Variants in AK3 observed in about 807,000 individuals in gnomAD.
AK3 encodes the protein GTP:AMP phosphotransferase AK3, mitochondrial.
A neutral mutation model predicts 23.7 loss-of-function variants in AK3; 27 were observed. The observed-to-expected ratio is 1.14, with a 90% CI of 0.84 to 1.57. The LOEUF is 1.57. Ranked by LOEUF, AK3 falls within the 40% of genes most tolerant of loss-of-function variation. AK3 has a pLI of 0.00. For missense variants in AK3, 406 were observed against 285.6 expected (o/e 1.42, Z -3.04); for synonymous variants, 159 against 116.0 (o/e 1.37, Z -2.38).
chr9:4,735,274 A>ATATATAAAT (rs1563798235), intron 1 of AK3, among the ~76,000 whole-genome samples: 5 of 9,632 alleles, frequency 5.2e-4, no homozygotes, highest in African/African-American at 1.7e-3. Flanking sequence ...TATATATATA[A>ATATATAAAT]ATATATATAC....
chr9:4,728,940 T>TATAC (rs1296144458), intron 1 of AK3, among the ~76,000 whole-genome samples: 2 of 137,420 alleles, frequency 1.5e-5, no homozygotes, highest in Non-Finnish European at 3.2e-5. Context: ...TACATACATA[T>TATAC]ATACATACAT....
chr9:4,720,719 C>T (rs1261093679), intron 2 of AK3, among the ~76,000 whole-genome samples: 5 of 148,482 alleles, frequency 3.4e-5, no homozygotes, highest in African/African-American at 4.9e-5. Context: ...AGGTTAAAAC[C>T]GCACATGCAT....
At chr9:4,714,242 G>A (rs1841660006) in intron 4 of AK3, among the ~76,000 whole-genome samples, 1 of 65,422 alleles carries the variant, frequency 1.5e-5, no homozygotes, top group African/African-American at 4.8e-5. Context: ...ATACACACTG[G>A]TGTAAAGACT....
chr9:4,733,377 G>C (rs1056570095), intron 1 of AK3, among the ~76,000 whole-genome samples: 1 of 152,042 alleles, frequency 6.6e-6, no homozygotes, highest in Non-Finnish European at 1.5e-5. Context: ...AGTCAACAAA[G>C]TGGTTACCTC....
At chr9:4,718,897 C>T (rs545372860) in intron 3 of AK3, among the ~76,000 whole-genome samples, 41 of 152,326 alleles carry the variant, frequency 2.7e-4, no homozygotes, top group Non-Finnish European at 5.3e-4. Context: ...TAACACACTC[C>T]TTGGCAGAGC....
rs567945380 is a variant in AK3, at chr9:4,729,772, G to A, written c.152-7147C>T. Among the ~76,000 whole-genome samples the A allele has an allele frequency of 1.7e-3, 260 of 150,182 alleles. 1 individual carries two copies. Among genetic ancestry groups the A allele is most frequent in the African/African-American group, 6.1e-3 (251 of 41,006 alleles). ...GGTGCAGGAGTTCAAGGCTGCTGCT[G>A]TTGAGTTATGATTGCACCACTGCAC... On this transcript the variant is annotated intron_variant, in intron 1 of 4. Coordinates refer to ENST00000381809, the MANE Select transcript of AK3 (RefSeq NM_016282.4).
chr9:4,718,356 G>T (rs565950471), intron 4 of AK3, 63 bp downstream of exon 4: 1 of 1,273,248 alleles, frequency 7.9e-7, no homozygotes, highest in Admixed American at 1.7e-5. Context: ...GTAGAGGAAG[G>T]AAAATCAAAA....
intron 2 of AK3, among the ~76,000 whole-genome samples, chr9:4,721,578 C>T (rs530181488): frequency 1.8e-4 from 28 of 152,034 alleles, no homozygotes; most frequent in African/African-American, 6.3e-4. Context: ...CCTGTCTCAG[C>T]CTCCCGAGTA....
At chr9:4,716,328 T>C (rs990190258) in intron 4 of AK3, among the ~76,000 whole-genome samples, 2 of 152,200 alleles carry the variant, frequency 1.3e-5, no homozygotes, top group African/African-American at 4.8e-5. Context: ...ACCAAGGGCC[T>C]AGCACAGTGT....
chr9:4,720,882 A>T (rs147835353), intron 2 of AK3, among the ~76,000 whole-genome samples: 10 of 152,268 alleles, frequency 6.6e-5, no homozygotes, highest in African/African-American at 2.4e-4. Context: ...ATTCGGGAGA[A>T]ATAATGGCCC....
chr9:4,735,826 T>G (rs1369734385), intron 1 of AK3, among the ~76,000 whole-genome samples: 3 of 151,728 alleles, frequency 2.0e-5, no homozygotes, highest in African/African-American at 4.8e-5. Flanking sequence ...AATTTAAAAT[T>G]GATGAAGGCC....
At chr9:4,738,414 C>T (rs1842346522) in intron 1 of AK3, among the ~76,000 whole-genome samples, 1 of 152,280 alleles carries the variant, frequency 6.6e-6, no homozygotes, top group African/African-American at 2.4e-5. Flanking sequence ...GATTCACCCA[C>T]CTCAGCCTCC....
At chr9:4,736,618 T>C (rs920783096) in intron 1 of AK3, among the ~76,000 whole-genome samples, 2 of 151,914 alleles carry the variant, frequency 1.3e-5, no homozygotes, top group African/African-American at 2.4e-5. Context: ...ACTACATTCA[T>C]CTCCCCCATC....
At chr9:4,728,835 ATATATATATATATAT>A (rs1563793053) in intron 1 of AK3, among the ~76,000 whole-genome samples, 156 of 134,924 alleles carry the variant, frequency 1.2e-3, no homozygotes, top group East Asian at 0.011. Context: ...GTCTCTACAT[ATATATATATATATAT>A]ATATATATAT....
intron 2 of AK3, among the ~76,000 whole-genome samples, chr9:4,719,675 C>T (rs1841840934): frequency 6.6e-6 from 1 of 152,128 alleles, no homozygotes; most frequent in Admixed American, 6.6e-5. Context: ...CTGACCCTCA[C>T]CCAAATAACA....
At chr9:4,722,762 A>T in intron 1 of AK3, 137 bp from the exon 2 acceptor site, 2 of 1,345,208 alleles carry the variant, frequency 1.5e-6, no homozygotes, top group Non-Finnish European at 2.0e-6. Flanking sequence ...TTTCTGATAA[A>T]AACAAAGGTT....
intron 1 of AK3, among the ~76,000 whole-genome samples, chr9:4,735,763 C>T (rs2130912499): frequency 7.4e-6 from 1 of 135,010 alleles, no homozygotes; most frequent in East Asian, 2.1e-4. Flanking sequence ...GCCACCATGC[C>T]TGGCCAAAAA....
chr9:4,726,978 C>G (rs1842035554), intron 1 of AK3, among the ~76,000 whole-genome samples: 1 of 151,970 alleles, frequency 6.6e-6, no homozygotes, highest in South Asian at 2.1e-4. Context: ...TTTGGGTGAC[C>G]AGGTGCATTG....
At chr9:4,741,230 G>A (rs947574154), upstream of AK3, 11 of 969,014 alleles carry the variant, frequency 1.1e-5, no homozygotes, top group Non-Finnish European at 1.5e-5. Flanking sequence ...CCGGAAGTGA[G>A]CCGACAGCCC....
Sources: gnomAD v4.1 joint callset for allele counts (sites outside exome capture counted in the v4.1 genomes callset) on GRCh38, gnomAD v4.1.1 for gene constraint, MANE v1.5 for transcripts, NCBI Gene and HGNC (gene_info 2026-07-23, HGNC 2026-07-21) for gene names.